The following DCAF10 variants were observed in gnomAD, a reference collection of about 807,000 sequenced individuals.
DCAF10 encodes DDB1- and CUL4-associated factor 10.
Under a neutral mutation model 51.9 loss-of-function variants are expected in DCAF10, and 19 were observed. That is an observed-to-expected ratio of 0.37 (90% confidence interval 0.26 to 0.54). The LOEUF (loss-of-function observed/expected upper bound fraction) is 0.54. DCAF10 is among the 20% of genes least tolerant of loss of function. DCAF10 has a pLI of 0.87. For synonymous variants in DCAF10, 291 were observed against 297.1 expected, an observed-to-expected ratio of 0.98 and a Z score of 0.21; for missense variants, 510 against 730.6, an observed-to-expected ratio of 0.70 and a Z score of 3.48.
chr9:37,853,282 G>A (rs1316962851), intron 3 of DCAF10, among the ~76,000 whole-genome samples: 1 of 149,688 alleles, frequency 6.7e-6, no homozygotes, highest in African/African-American at 2.5e-5. Context: ...GTGTGGTGGT[G>A]CGTGCCTGTA....
chr9:37,818,708 T>A (rs1336552750), intron 1 of DCAF10, among the ~76,000 whole-genome samples: 1 of 152,198 alleles, frequency 6.6e-6, no homozygotes, highest in East Asian at 1.9e-4. Flanking sequence ...AAGAAATATA[T>A]AATTTGGTTG....
intron 1 of DCAF10, among the ~76,000 whole-genome samples, chr9:37,809,048 C>T (rs1328790623): frequency 6.7e-6 from 1 of 148,456 alleles, no homozygotes; most frequent in Non-Finnish European, 1.5e-5. Flanking sequence ...TTTGAGGTTG[C>T]CACTGCATTC....
intron 3 of DCAF10, among the ~76,000 whole-genome samples, chr9:37,849,657 CA>C (rs2118100396): frequency 1.3e-5 from 2 of 152,112 alleles, no homozygotes; most frequent in South Asian, 4.2e-4. Flanking sequence ...TTGAGGTGGG[CA>C]GATCATGAGG....
chr9:37,806,637 C>T (rs1468537843), intron 1 of DCAF10, among the ~76,000 whole-genome samples: 1 of 152,226 alleles, frequency 6.6e-6, no homozygotes, highest in Non-Finnish European at 1.5e-5. Flanking sequence ...GCACAGTATA[C>T]ATTCCCATGG....
intron 3 of DCAF10, among the ~76,000 whole-genome samples, chr9:37,851,450 G>T (rs1298841470): frequency 6.6e-6 from 1 of 151,224 alleles, no homozygotes; most frequent in Admixed American, 6.6e-5. Flanking sequence ...AAAGTGCTGG[G>T]ATTACAGGCA....
chr9:37,830,112 T>A (rs1829965310), intron 2 of DCAF10, among the ~76,000 whole-genome samples: 1 of 152,200 alleles, frequency 6.6e-6, no homozygotes, highest in Non-Finnish European at 1.5e-5. Context: ...TGGAAACGAA[T>A]GTCTATCAAG....
chr9:37,827,731 A>G (rs1261211003), intron 2 of DCAF10, among the ~76,000 whole-genome samples: 1 of 152,146 alleles, frequency 6.6e-6, no homozygotes, highest in African/African-American at 2.4e-5. Flanking sequence ...AAGAGAGATA[A>G]TTCTAGAACC....
At chr9:37,858,712 A>G (rs1170878065) in intron 5 of DCAF10, among the ~76,000 whole-genome samples, 1 of 152,242 alleles carries the variant, frequency 6.6e-6, no homozygotes, top group Non-Finnish European at 1.5e-5. Context: ...TTCAGATGTC[A>G]GAGTATGTTA....
chr9:37,835,943 C>T, intron 2 of DCAF10: 1 of 1,043,636 alleles, frequency 9.6e-7, no homozygotes, highest in Non-Finnish European at 1.5e-6. Flanking sequence ...AGAAAGCCAC[C>T]ATTTTTGGCT....
chr9:37,821,548 AC>A (rs1222493797), intron 2 of DCAF10, among the ~76,000 whole-genome samples: 2 of 152,222 alleles, frequency 1.3e-5, no homozygotes, highest in Non-Finnish European at 1.5e-5. Context: ...ACCCTTTTCA[AC>A]AAATGGTGCT....
chr9:37,817,693 G>A (rs1218060416), intron 1 of DCAF10, among the ~76,000 whole-genome samples: 1 of 151,750 alleles, frequency 6.6e-6, no homozygotes, highest in East Asian at 1.9e-4. Flanking sequence ...TTGAGGCCAG[G>A]AATTTGAGAC....
chr9:37,844,301 A>C (rs1477615579), intron 3 of DCAF10, among the ~76,000 whole-genome samples: 1 of 151,948 alleles, frequency 6.6e-6, no homozygotes, highest in Non-Finnish European at 1.5e-5. Flanking sequence ...TGGGCAGATC[A>C]CTTGCGGTCA....
chr9:37,840,115 C>T (rs548998967), intron 2 of DCAF10, among the ~76,000 whole-genome samples: 10 of 152,182 alleles, frequency 6.6e-5, no homozygotes, highest in Non-Finnish European at 1.2e-4. Flanking sequence ...CAGCTGAATA[C>T]AGTTATATGC....
chr9:37,859,089 A>G (rs1037373231), intron 5 of DCAF10, among the ~76,000 whole-genome samples: 1 of 152,248 alleles, frequency 6.6e-6, no homozygotes, highest in African/African-American at 2.4e-5. Flanking sequence ...AAGTTCAATC[A>G]TATGTGAAAT....
In DCAF10 at chr9:37,862,694, G is replaced by A. The variant is rs1346757280; in HGVS notation, c.*1186G>A. On this transcript the variant is annotated 3_prime_UTR_variant, in exon 7 of 7. Transcript: ENST00000377724. ...TAAAGCAGGACTCAAGCACAAGGCT[G>A]ACTGTTCTACTTTGAATAACAGCTT... 3 of 152,220 alleles carry A rather than the reference G, an allele frequency of 2.0e-5. No individual in the cohort carries two copies. Among genetic ancestry groups the A allele is most frequent in the Non-Finnish European group, 4.4e-5 (3 of 68,040 alleles). 9.4% of individuals were successfully genotyped at this position (152,220 alleles called of 1,614,324 possible).
intron 5 of DCAF10, among the ~76,000 whole-genome samples, chr9:37,857,622 T>C (rs971101056): frequency 1.3e-5 from 2 of 152,158 alleles, no homozygotes; most frequent in Non-Finnish European, 2.9e-5. Context: ...AGTTCAGAAA[T>C]ATAGATTTCA....
rs909164851 is a variant in DCAF10, at chr9:37,815,594, G to A, written c.540-3694G>A. Among the ~76,000 whole-genome samples the A allele has an allele frequency of 7.2e-5, 11 of 151,946 alleles. 1 individual carries two copies. The highest frequency in any genetic ancestry group is 4.6e-4 in the Admixed American group (7 of 15,254). On this transcript the variant is annotated intron_variant, in intron 1 of 6. Transcript: ENST00000377724. ...CGGGAGGCGGAGGTTGCAGTGAGCT[G>A]AGATCACGCCATTGCACCCCAGCCT... is the stretch of plus-strand genomic sequence containing the variant.
intron 2 of DCAF10, chr9:37,835,946 T>A: frequency 9.7e-7 from 1 of 1,030,920 alleles, no homozygotes; most frequent in Non-Finnish European, 1.5e-6. Context: ...AAGCCACCAT[T>A]TTTGGCTATA....
chr9:37,809,334 T>C (rs1829257428), intron 1 of DCAF10, among the ~76,000 whole-genome samples: 1 of 146,820 alleles, frequency 6.8e-6, no homozygotes, highest in Non-Finnish European at 1.5e-5. Flanking sequence ...TGAAAGAGAA[T>C]AGCAAAGTTA....
Sources: allele counts gnomAD v4.1 joint callset (sites outside exome capture counted in the v4.1 genomes callset), GRCh38; gene constraint gnomAD v4.1.1; transcripts MANE v1.5; gene names NCBI Gene and HGNC (gene_info 2026-07-23, HGNC 2026-07-21).